Variants in BCL6 observed in about 807,000 individuals in gnomAD.
The protein encoded by BCL6 is B-cell lymphoma 6 protein.
In BCL6, 7 loss-of-function variants were observed where a neutral mutation model predicts 59.5. The ratio of observed to expected loss-of-function variants is 0.12; its 90% CI spans 0.07 to 0.22. The LOEUF is 0.22. Ranked by LOEUF, BCL6 falls within the 10% of genes least tolerant of loss-of-function variation. The pLI, the probability that BCL6 is intolerant of heterozygous loss-of-function variation, is 1.00. For synonymous variants in BCL6, 339 were observed against 349.7 expected (o/e 0.97, Z 0.34); for missense variants, 685 against 939.4 (o/e 0.73, Z 3.54).
At position 187,727,023 on chromosome 3, in the gene BCL6, C is replaced by T. The variant is rs117889606; in HGVS notation, c.1541-125G>A. 2.3e-4 allele frequency: 251 copies of T among 1,085,418 alleles called. No individual in the cohort carries two copies. In the East Asian group the frequency reaches 5.1e-3, roughly 22 times the overall value. The allele number at this position is 1,085,418 out of a possible 1,614,324, so 67.2% of individuals were successfully genotyped here. ...ACTCTCAGTCCCTCACTCACCCACC[C>T]GACATTCATGGGAGCTCGGAGCAAA... On this transcript the variant is annotated intron_variant, in intron 6 of 9. Transcript: ENST00000406870.
In BCL6 at chr3:187,741,402, A is replaced by G. The variant is rs117924020; in HGVS notation, c.-50+4008T>C. On this transcript the variant is annotated intron_variant, in intron 1 of 9. Transcript: ENST00000406870. ...CCAAACACTGGTCATCCAGCAAAGA[A>G]AGTCGGGAATAAACTCCTGATCTTC... Among the ~76,000 whole-genome samples the G allele has an allele frequency of 7.2e-5, 11 of 152,194 alleles. No homozygotes were observed. In the East Asian group the frequency reaches 2.1e-3, roughly 29 times the overall value.
At chr3:187,743,403 G>C (rs2108481790) in intron 1 of BCL6, among the ~76,000 whole-genome samples, 1 of 152,172 alleles carries the variant, frequency 6.6e-6, no homozygotes, top group South Asian at 2.1e-4. Flanking sequence ...CCCTGTGACA[G>C]CTTGGGACTT....
rs1315866790 is a variant in BCL6, at chr3:187,725,312, GCCCGC to G, written c.1839+182_1839+186del. Among the ~76,000 whole-genome samples the G allele has an allele frequency of 5.3e-5, 8 of 151,162 alleles. No individual in the cohort carries two copies. Among genetic ancestry groups the G allele is most frequent in the African/African-American group, 1.9e-4 (8 of 41,182 alleles). ...GCTCACCTGCCCGCTCTGCTCACCT[GCCCGC>G]TCTGCTCACCTGCACACGGGGACTG... On this transcript the variant is annotated intron_variant, in intron 8 of 9. Transcript: ENST00000406870. The surrounding 1 kb of genome is among the most constrained non-coding windows in gnomAD (Gnocchi z 4.7).
At chr3:187,741,686 C>G (rs1035561402) in intron 1 of BCL6, among the ~76,000 whole-genome samples, 7 of 152,192 alleles carry the variant, frequency 4.6e-5, no homozygotes, top group African/African-American at 1.4e-4. Context: ...TGCTGGAAAC[C>G]GGCACGCGCC....
intron 7 of BCL6, 137 bp downstream of exon 7, chr3:187,726,594 C>G: frequency 8.1e-7 from 1 of 1,239,958 alleles, no homozygotes; most frequent in Non-Finnish European, 1.1e-6. Flanking sequence ...TTAGACCCCT[C>G]GTTCAGGCCA....
chr3:187,742,435 T>C (rs1711640692), intron 1 of BCL6, among the ~76,000 whole-genome samples: 1 of 152,222 alleles, frequency 6.6e-6, no homozygotes, highest in African/African-American at 2.4e-5. Context: ...CAAGAAAGCA[T>C]TGGTATAAAA....
chr3:187,723,759 T>A (rs1002050361), intron 9 of BCL6, among the ~76,000 whole-genome samples: 14 of 152,190 alleles, frequency 9.2e-5, no homozygotes, highest in African/African-American at 3.4e-4. Flanking sequence ...AGCATGTCAT[T>A]TCACTCTCCG....
chr3:187,737,845 A>T (rs1719363275), intron 1 of BCL6: 2 of 141,124 alleles, frequency 1.4e-5, no homozygotes, highest in Admixed American at 1.6e-4. Context: ...GAACGTAGTC[A>T]ATCTCGGCTC....
rs1288700625 is a variant in BCL6, at chr3:187,729,454, C to T, written c.951G>A (p.Glu317=). 7.5e-6 allele frequency: 12 copies of T among 1,609,544 alleles called. No homozygotes were observed. Among genetic ancestry groups the T allele is most frequent in the Non-Finnish European group, 9.3e-6 (11 of 1,177,426 alleles). ...SSEDEIALHF[E]PPNAPLNRKG... Reference sequence around the variant, plus strand: ...TCCGGTTCAGGGGTGCATTGGGGGGCTCGAAATGCAGGGCAATCTCATCTT... The same window carrying T: ...TCCGGTTCAGGGGTGCATTGGGGGGTTCGAAATGCAGGGCAATCTCATCTT... Residue 317 remains glutamate (E), a synonymous_variant, in exon 5 of 10, where the codon GAG becomes GAA. Coordinates refer to ENST00000406870, the MANE Select transcript of BCL6 (RefSeq NM_001706.5). This position sits in a 1 kb window ranked among gnomAD's most constrained non-coding sequence, Gnocchi z 5.6.
Position 187,734,126 on chromosome 3 carries a change from G to A in BCL6, c.-10-423C>T, listed in dbSNP as rs527432778. On this transcript the variant is annotated intron_variant, in intron 2 of 9. Coordinates refer to ENST00000406870, the MANE Select transcript of BCL6 (RefSeq NM_001706.5). ...TGCAATCTCAGCTCACTGCAAGTCC[G>A]CCTTCCCAGGTTCAAGTGATTCTCC... Among the ~76,000 whole-genome samples, 265 of 151,658 alleles carry A rather than the reference G, an allele frequency of 1.7e-3. 2 individuals carry two copies. Among genetic ancestry groups the A allele is most frequent in the African/African-American group, 5.9e-3 (244 of 41,190 alleles).
intron 1 of BCL6, among the ~76,000 whole-genome samples, chr3:187,738,158 A>C (rs1204838213): frequency 6.6e-6 from 1 of 152,212 alleles, no homozygotes; most frequent in African/African-American, 2.4e-5. Context: ...TCTAGAACCC[A>C]GGAGTTCGAA....
intron 1 of BCL6, among the ~76,000 whole-genome samples, chr3:187,744,934 C>A (rs80031434): frequency 6.6e-6 from 1 of 152,106 alleles, no homozygotes. Flanking sequence ...GCGTCCTCTC[C>A]GCGGTCTGGG....
At chr3:187,744,983 G>A (rs916292252) in intron 1 of BCL6, among the ~76,000 whole-genome samples, 9 of 151,716 alleles carry the variant, frequency 5.9e-5, no homozygotes, top group Middle Eastern at 3.4e-3. Flanking sequence ...CACCCCCCAA[G>A]CACTGTCTCG....
chr3:187,742,289 G>C (rs1264331330), intron 1 of BCL6, among the ~76,000 whole-genome samples: 1 of 152,150 alleles, frequency 6.6e-6, no homozygotes, highest in Non-Finnish European at 1.5e-5. Context: ...ATAGAGGGAA[G>C]GAAGGGTTTT....
chr3:187,737,461 C>T (rs192775952), intron 1 of BCL6: 11 of 151,662 alleles, frequency 7.3e-5, no homozygotes, highest in Admixed American at 4.6e-4. Flanking sequence ...AAGACCCCAT[C>T]CTTTTCCTCC....
chr3:187,736,559 T>G (rs539657212), intron 1 of BCL6: 11 of 152,320 alleles, frequency 7.2e-5, no homozygotes, highest in African/African-American at 2.6e-4. Flanking sequence ...CATTTCACCA[T>G]GACAAGTGGC....
At chr3:187,738,406 G>A (rs572912893) in intron 1 of BCL6, among the ~76,000 whole-genome samples, 4 of 152,116 alleles carry the variant, frequency 2.6e-5, no homozygotes, top group Non-Finnish European at 5.9e-5. Context: ...TGGCAAGAAC[G>A]GGAACCCAGC....
chr3:187,741,282 A>T (rs1711580489), intron 1 of BCL6, among the ~76,000 whole-genome samples: 1 of 152,186 alleles, frequency 6.6e-6, no homozygotes, highest in Non-Finnish European at 1.5e-5. Context: ...TTTCTCCCCC[A>T]GCCTCCGAAA....
intron 1 of BCL6, among the ~76,000 whole-genome samples, chr3:187,741,894 T>C (rs1053124562): frequency 1.3e-5 from 2 of 151,998 alleles, no homozygotes; most frequent in Non-Finnish European, 2.9e-5. Flanking sequence ...TAAGATGCCC[T>C]GAGAAGTCAA....
Sources: gnomAD v4.1 joint callset for allele counts (sites outside exome capture counted in the v4.1 genomes callset) on GRCh38, gnomAD v4.1.1 for gene constraint, Gnocchi (gnomAD v3.1) non-coding constraint, MANE v1.5 for transcripts, NCBI Gene and HGNC (gene_info 2026-07-23, HGNC 2026-07-21) for gene names.